CES5A: variants seen among roughly 807,000 people sequenced by gnomAD.
CES5A encodes carboxylesterase 5A.
CES5A carries 67 observed loss-of-function variants against 62.9 expected under a neutral mutation model. That is an observed-to-expected ratio of 1.07 (90% CI 0.88 to 1.31). The LOEUF is 1.31. Ranked by LOEUF, CES5A falls within the 50% of genes most tolerant of loss-of-function variation. CES5A has a pLI of 0.00. For missense variants in CES5A, 748 were observed against 708.5 expected (o/e 1.06, Z -0.63); for synonymous variants, 296 against 280.8 (o/e 1.05, Z -0.54).
At chr16:55,908,550 G>A (rs1221799370) in intron 1 of CES5A, among the ~76,000 whole-genome samples, 1 of 152,104 alleles carries the variant, frequency 6.6e-6, no homozygotes, top group Non-Finnish European at 1.5e-5. Context: ...CGTAGAGACA[G>A]GGTTTCTCCA....
intron 1 of CES5A, among the ~76,000 whole-genome samples, chr16:55,918,176 C>G (rs1285479617): frequency 1.3e-5 from 2 of 152,128 alleles, no homozygotes; most frequent in African/African-American, 4.8e-5. Context: ...AATGGTAGGT[C>G]TCGCTGACCA....
rs1487306599 is a variant in CES5A at position 55,846,819 on chromosome 16, T to C, written c.1445A>G (p.Lys482Arg). Residue 482 changes from lysine (K) to arginine (R), a missense_variant, in exon 12 of 13, where the codon AAG becomes AGG. Lys to Arg is a conservative substitution (Grantham distance 26, BLOSUM62 2). Transcript: ENST00000290567. ...VMFEGATEEEKLLSRKMMKYW... is the reference protein window; with the variant it reads ...VMFEGATEEERLLSRKMMKYW... ...TTTCATCATCTTCCGGCTCAGTAAC[T>C]TCTCCTCCTCCGTGGCTCCTTCTGA... 1.2e-6 allele frequency: 2 copies of C among 1,614,106 alleles called. No homozygotes were observed. The highest frequency in any genetic ancestry group is 1.7e-6 in the Non-Finnish European group (2 of 1,180,004).
intron 9 of CES5A, among the ~76,000 whole-genome samples, chr16:55,855,858 G>T (rs2033232997): frequency 6.6e-6 from 1 of 152,126 alleles, no homozygotes; most frequent in South Asian, 2.1e-4. Flanking sequence ...ATCTCATGTT[G>T]AATTGTAATC....
At chr16:55,855,192 A>C (rs568153809) in intron 9 of CES5A, among the ~76,000 whole-genome samples, 393 of 152,352 alleles carry the variant, frequency 2.6e-3, no homozygotes, top group South Asian at 0.025. Context: ...ATTGCACCCC[A>C]GTGCCCAGGG....
chr16:55,952,784 C>T (rs1195252958), intron 1 of CES5A, among the ~76,000 whole-genome samples: 1 of 152,002 alleles, frequency 6.6e-6, no homozygotes, highest in Non-Finnish European at 1.5e-5. Context: ...AAGATCTACC[C>T]CCACTAAAGT....
chr16:55,951,649 T>G (rs550939616), intron 1 of CES5A, among the ~76,000 whole-genome samples: 1 of 152,084 alleles, frequency 6.6e-6, no homozygotes, highest in African/African-American at 2.4e-5. Flanking sequence ...CAAGTTGTAA[T>G]AATATCAAAC....
At chr16:55,943,318 C>T (rs1225877625) in intron 2 of CES5A, among the ~76,000 whole-genome samples, 1 of 152,146 alleles carries the variant, frequency 6.6e-6, no homozygotes, top group Non-Finnish European at 1.5e-5. Flanking sequence ...GAGTAAACTG[C>T]GAGAGATCAG....
At chr16:55,948,055 CA>C (rs1185881030) in intron 2 of CES5A, among the ~76,000 whole-genome samples, 1 of 145,012 alleles carries the variant, frequency 6.9e-6, no homozygotes, top group Non-Finnish European at 1.5e-5. Context: ...TGGTATAAAC[CA>C]AAAAAAAAGA....
intron 1 of CES5A, among the ~76,000 whole-genome samples, chr16:55,954,019 T>C (rs1470873533): frequency 6.6e-6 from 1 of 152,208 alleles, no homozygotes; most frequent in African/African-American, 2.4e-5. Context: ...CACCCATTAA[T>C]CATCCCCACT....
chr16:55,930,630 T>C (rs1159478882), intron 2 of CES5A, among the ~76,000 whole-genome samples: 1 of 152,232 alleles, frequency 6.6e-6, no homozygotes, highest in African/African-American at 2.4e-5. Flanking sequence ...TCTTCAGAAC[T>C]GTCCCAGGCT....
Position 55,869,702 on chromosome 16 carries a change from C to A in CES5A, c.460G>T (p.Ala154Ser), listed in dbSNP as rs541452405. ...FPGGAFKTGS[A>S]SIFDGSALAA... ...AGGGCGGACCCATCAAAGATGGAGG[C>A]TGAGCCAGTCTTGAAGGCACCTCCT... is the stretch of plus-strand genomic sequence containing the variant. Residue 154 changes from alanine (A) to serine (S), a missense_variant, in exon 4 of 13, where the codon GCC becomes TCC. By Grantham distance (99) the Ala-to-Ser change is moderately conservative. Coordinates refer to ENST00000290567, the MANE Select transcript of CES5A (RefSeq NM_001143685.2). 30 of 1,609,994 alleles carry A rather than the reference C, an allele frequency of 1.9e-5. No individual in the cohort carries two copies. In the South Asian group the frequency reaches 3.1e-4, roughly 17 times the overall value.
At chr16:55,907,159 G>A (rs1023255254) in intron 1 of CES5A, among the ~76,000 whole-genome samples, 1 of 152,206 alleles carries the variant, frequency 6.6e-6, no homozygotes, top group African/African-American at 2.4e-5. Flanking sequence ...AAGTGATTGA[G>A]AGCTTCAGGT....
chr16:55,901,390 G>A (rs182962342), intron 1 of CES5A, among the ~76,000 whole-genome samples: 1 of 152,272 alleles, frequency 6.6e-6, no homozygotes, highest in East Asian at 1.9e-4. Context: ...TTCCCAGAAA[G>A]GAAGGGAAAT....
chr16:55,943,631 G>A (rs2034466396), intron 2 of CES5A, among the ~76,000 whole-genome samples: 1 of 152,212 alleles, frequency 6.6e-6, no homozygotes. Context: ...TACATATCCA[G>A]TAGCTTCTCT....
intron 1 of CES5A, among the ~76,000 whole-genome samples, chr16:55,899,619 C>T (rs1334745808): frequency 2.0e-5 from 3 of 152,174 alleles, no homozygotes; most frequent in African/African-American, 4.8e-5. Context: ...GAGAATCTCA[C>T]CTTCTAAGTT....
At chr16:55,852,613 G>A (rs1490579555) in intron 10 of CES5A, among the ~76,000 whole-genome samples, 5 of 152,122 alleles carry the variant, frequency 3.3e-5, no homozygotes, top group African/African-American at 4.8e-5. Flanking sequence ...TGGGGATGGC[G>A]CCCAGAAAAT....
intron 1 of CES5A, among the ~76,000 whole-genome samples, chr16:55,917,730 G>A (rs553915085): frequency 2.6e-5 from 4 of 152,222 alleles, no homozygotes; most frequent in African/African-American, 9.6e-5. Flanking sequence ...TGCTAGAAGT[G>A]AGTCATTAAA....
At chr16:55,894,308 A>T (rs2033909456) in intron 1 of CES5A, among the ~76,000 whole-genome samples, 1 of 151,998 alleles carries the variant, frequency 6.6e-6, no homozygotes, top group African/African-American at 2.4e-5. Flanking sequence ...GGAGTTCAAG[A>T]CCAGCCTGGC....
At chr16:55,907,478 G>C (rs1746333544) in intron 1 of CES5A, among the ~76,000 whole-genome samples, 1 of 152,156 alleles carries the variant, frequency 6.6e-6, no homozygotes, top group Non-Finnish European at 1.5e-5. Flanking sequence ...GGTTTATTCG[G>C]TGCCTCCAAG....
Sources: allele counts gnomAD v4.1 joint callset (sites outside exome capture counted in the v4.1 genomes callset), GRCh38; gene constraint gnomAD v4.1.1; transcripts MANE v1.5; gene names NCBI Gene and HGNC (gene_info 2026-07-23, HGNC 2026-07-21).